VSTM2A: variants seen among roughly 807,000 people sequenced by gnomAD.
The protein encoded by VSTM2A is V-set and transmembrane domain-containing protein 2A.
Under a neutral mutation model 27.3 loss-of-function variants are expected in VSTM2A, and 13 were observed. The ratio of observed to expected loss-of-function variants is 0.48; its 90% CI spans 0.31 to 0.76. The LOEUF is 0.76. Ranked by LOEUF, VSTM2A falls within the 30% of genes least tolerant of loss-of-function variation. VSTM2A has a pLI of 0.05. For synonymous variants in VSTM2A, 142 were observed against 125.7 expected, an observed-to-expected ratio of 1.13 and a Z score of -0.87; for missense variants, 280 against 310.0, an observed-to-expected ratio of 0.90 and a Z score of 0.73.
At chr7:54,558,123 A>C (rs888805552) in intron 4 of VSTM2A, 5 of 152,246 alleles carry the variant, frequency 3.3e-5, no homozygotes, top group Non-Finnish European at 5.9e-5. Flanking sequence ...CTGAATAAAT[A>C]ACAGGTATTC....
At chr7:54,555,742 C>G (rs1162546803) in intron 4 of VSTM2A, among the ~76,000 whole-genome samples, 1 of 152,216 alleles carries the variant, frequency 6.6e-6, no homozygotes, top group Non-Finnish European at 1.5e-5. Context: ...TGCAATTCCT[C>G]TATGTGCCCT....
intron 4 of VSTM2A, among the ~76,000 whole-genome samples, chr7:54,566,669 G>A (rs1273154623): frequency 6.6e-6 from 1 of 151,992 alleles, no homozygotes; most frequent in East Asian, 1.9e-4. Flanking sequence ...TGCAATACCT[G>A]GCATACTAAT....
At chr7:54,558,704 G>A (rs1788453087) in intron 4 of VSTM2A, 1 of 152,032 alleles carries the variant, frequency 6.6e-6, no homozygotes, top group African/African-American at 2.4e-5. Context: ...AATATCTAAT[G>A]AATTTAAAAA....
In VSTM2A at chr7:54,569,480, T is replaced by A. The variant is rs1168468074; in HGVS notation, c.*261T>A. ...ACTATGGATACCACTAATTTCCTAC[T>A]AAAGGACCCAGCATCTTCAGGAAGC... On this transcript the variant is annotated 3_prime_UTR_variant, in exon 5 of 5. Coordinates refer to ENST00000402613, the MANE Select transcript of VSTM2A (RefSeq NM_001301009.2). The A allele has an allele frequency of 6.1e-6, 3 of 491,466 alleles. No individual in the cohort carries two copies. The highest frequency in any genetic ancestry group is 1.1e-5 in the Non-Finnish European group (3 of 284,192). The allele number at this position is 491,466 out of a possible 1,614,324, so 30.4% of individuals were successfully genotyped here.
chr7:54,569,033 G>A, intron 4 of VSTM2A, 98 bp from the exon 5 acceptor site: 2 of 1,604,568 alleles, frequency 1.2e-6, no homozygotes, highest in South Asian at 1.1e-5. Context: ...ACAAGCCATG[G>A]ACTTTCTGTC....
chr7:54,552,140 G>A (rs533456084), intron 4 of VSTM2A: 2 of 152,178 alleles, frequency 1.3e-5, no homozygotes, highest in East Asian at 1.9e-4. Context: ...ATTCAAAATT[G>A]CTTTTTCTAG....
intron 1 of VSTM2A, among the ~76,000 whole-genome samples, 179 bp downstream of exon 1, chr7:54,542,988 A>G (rs1216517533): frequency 6.6e-6 from 1 of 152,084 alleles, no homozygotes; most frequent in Non-Finnish European, 1.5e-5. Context: ...TAGACTAGCT[A>G]GGCTGGAGAG....
Position 54,542,451 on chromosome 7 carries a change from T to C in VSTM2A, c.-280T>C. 1 of 473,592 alleles carries C rather than the reference T, an allele frequency of 2.1e-6. No individual in the cohort carries two copies. Among genetic ancestry groups the C allele is most frequent in the Non-Finnish European group, 3.7e-6 (1 of 269,898 alleles). 29.3% of individuals were successfully genotyped at this position (473,592 alleles called of 1,614,324 possible). On this transcript the variant is annotated 5_prime_UTR_variant, in exon 1 of 5. Coordinates refer to ENST00000402613, the MANE Select transcript of VSTM2A (RefSeq NM_001301009.2). ...AGCGGCGGGCTGACGTTGGACGAGC[T>C]GCCAGGTAGCTGAAAGCAGGCAGCC...
intron 4 of VSTM2A, among the ~76,000 whole-genome samples, chr7:54,554,325 C>A (rs1007986678): frequency 6.6e-6 from 1 of 152,100 alleles, no homozygotes; most frequent in African/African-American, 2.4e-5. Flanking sequence ...AAATATAGTT[C>A]TTTTCCCATT....
At chr7:54,568,784 C>A (rs116348428) in intron 4 of VSTM2A, among the ~76,000 whole-genome samples, 1 of 152,100 alleles carries the variant, frequency 6.6e-6, no homozygotes, top group Non-Finnish European at 1.5e-5. Flanking sequence ...TGTTCCCAGC[C>A]GTGGGGTGGC....
At chr7:54,555,599 A>C (rs2692098) in intron 4 of VSTM2A, among the ~76,000 whole-genome samples, 30,233 of 152,114 alleles carry the variant, frequency 0.2, 3,396 homozygotes, top group African/African-American at 0.3. Flanking sequence ...TTGAAGCCCT[A>C]ACTGTGCCTT....
rs979215311 is a variant in VSTM2A at position 54,570,408 on chromosome 7, G to A, written c.*1189G>A. The A allele has an allele frequency of 6.6e-6, 1 of 152,074 alleles. No individual in the cohort carries two copies. Among genetic ancestry groups the A allele is most frequent in the Non-Finnish European group, 1.5e-5 (1 of 67,988 alleles). The allele number at this position is 152,074 out of a possible 1,614,324, so 9.4% of individuals were successfully genotyped here. ...TATGGTTAAAAATGCTGCTTCCTTT[G>A]ACCTTTATGAATTTCTGTACCTTTG... On this transcript the variant is annotated 3_prime_UTR_variant, in exon 5 of 5. Transcript: ENST00000402613.
rs1200251932 is a variant in VSTM2A at position 54,570,401 on chromosome 7, T to C, written c.*1182T>C. 6.6e-6 allele frequency: 1 copy of C among 152,194 alleles called. No individual in the cohort carries two copies. The highest frequency in any genetic ancestry group is 2.4e-5 in the African/African-American group (1 of 41,458). The allele number at this position is 152,194 out of a possible 1,614,324, so 9.4% of individuals were successfully genotyped here. ...TTCTTGCTATGGTTAAAAATGCTGC[T>C]TCCTTTGACCTTTATGAATTTCTGT... is the stretch of plus-strand genomic sequence containing the variant. On this transcript the variant is annotated 3_prime_UTR_variant, in exon 5 of 5. Transcript: ENST00000402613.
At chr7:54,552,896 A>G (rs1788237014) in intron 4 of VSTM2A, among the ~76,000 whole-genome samples, 1 of 152,214 alleles carries the variant, frequency 6.6e-6, no homozygotes, top group Admixed American at 6.5e-5. Context: ...TATTTTCATC[A>G]TAATCTTTGA....
chr7:54,545,550 A>G, intron 2 of VSTM2A, among the ~76,000 whole-genome samples: 1 of 77,712 alleles, frequency 1.3e-5, no homozygotes, highest in African/African-American at 5.3e-5. Context: ...TGGAGTGGGG[A>G]GGGGAGAAGA....
rs1204719727 is a variant in VSTM2A at position 54,550,080 on chromosome 7, A to G, written c.544A>G (p.Ser182Gly). 12 of 1,608,992 alleles carry G rather than the reference A, an allele frequency of 7.5e-6. No individual in the cohort carries two copies. Among genetic ancestry groups the G allele is most frequent in the Non-Finnish European group, 1.0e-5 (12 of 1,177,728 alleles). ...CAAGAACGTCTCCGCAGCCATCCCC[A>G]GCAGCATCCATGGCTCTGCCAACCA... The part of the protein sequence containing the change: ...PRKNVSAAIP[S>G]SIHGSANQRT... The change falls in exon 4 of 5, where the codon AGC becomes GGC. Residue 182 changes from serine (S) to glycine (G), a missense_variant. By Grantham distance (56) the Ser-to-Gly change is moderately conservative. Transcript: ENST00000402613.
intron 1 of VSTM2A, among the ~76,000 whole-genome samples, chr7:54,543,090 TTCTA>T (rs1230773860): frequency 1.3e-5 from 2 of 152,054 alleles, no homozygotes; most frequent in African/African-American, 4.8e-5. Flanking sequence ...TGTGTGTGCT[TTCTA>T]TCTGTGTGCA....
chr7:54,558,956 A>G (rs1584060461), intron 4 of VSTM2A: 1 of 152,082 alleles, frequency 6.6e-6, no homozygotes, highest in African/African-American at 2.4e-5. Context: ...AATAATATGT[A>G]ACTAAAAAGT....
chr7:54,547,728 G>A (rs540590972), intron 3 of VSTM2A, among the ~76,000 whole-genome samples: 4 of 152,160 alleles, frequency 2.6e-5, no homozygotes, highest in East Asian at 1.9e-4. Context: ...TAATACAAAA[G>A]GAGGAAATCT....
Sources: allele counts gnomAD v4.1 joint callset (sites outside exome capture counted in the v4.1 genomes callset), GRCh38; gene constraint gnomAD v4.1.1; transcripts MANE v1.5; gene names NCBI Gene and HGNC (gene_info 2026-07-23, HGNC 2026-07-21).